Variants in NRG2 observed in about 807,000 individuals in gnomAD.
NRG2 encodes the protein pro-neuregulin-2, membrane-bound isoform.
NRG2 carries 27 observed loss-of-function variants against 73.9 expected under a neutral mutation model. That is an observed-to-expected ratio of 0.37 (90% CI 0.27 to 0.50). NRG2 has a LOEUF of 0.50. Ranked by LOEUF, NRG2 falls within the 20% of genes least tolerant of loss-of-function variation. The pLI, the probability that NRG2 is intolerant of heterozygous loss-of-function variation, is 0.96. For missense variants in NRG2, 1,126 were observed against 1,210.1 expected, an observed-to-expected ratio of 0.93 and a Z score of 1.03; for synonymous variants, 532 against 541.0, an observed-to-expected ratio of 0.98 and a Z score of 0.23.
In NRG2 at chr5:139,873,293, C is replaced by T. The variant is rs182653599; in HGVS notation, c.992-1452G>A. On this transcript the variant is annotated intron_variant, in intron 3 of 9. Coordinates refer to ENST00000361474, the MANE Select transcript of NRG2 (RefSeq NM_004883.3). ...GCTCAACCCCAGACCCAGCTGGAAC[C>T]CACGTGCTGGCTGGAACTAGAGACC... Among the ~76,000 whole-genome samples, 578 of 152,330 alleles carry T rather than the reference C, an allele frequency of 3.8e-3. 3 individuals are homozygous for T. The highest frequency in any genetic ancestry group is 6.4e-3 in the Non-Finnish European group (438 of 68,026).
At position 139,865,097 on chromosome 5, in the gene NRG2, T is replaced by C. The variant is rs772205182; in HGVS notation, c.1189+452A>G. ...GTCAGTCACCAGGGAAGAGAAGAAA[T>C]AGAAGAAAGAGACATACTGGAGAAG... On this transcript the variant is annotated intron_variant, in intron 5 of 9. Transcript: ENST00000361474. This position sits in a 1 kb window ranked among gnomAD's most constrained non-coding sequence, Gnocchi z 5.2. 1.1e-5 allele frequency: 17 copies of C among 1,607,574 alleles called. No homozygotes were observed. The highest frequency in any genetic ancestry group is 1.4e-5 in the Non-Finnish European group (17 of 1,174,372).
chr5:140,019,238 C>T (rs951726596), intron 1 of NRG2, among the ~76,000 whole-genome samples: 3 of 152,200 alleles, frequency 2.0e-5, no homozygotes, highest in Non-Finnish European at 2.9e-5. Context: ...CCACTGGAAG[C>T]AGGGGCCACA....
Position 139,853,117 on chromosome 5 carries a change from CCT to C in NRG2, c.1293-92_1293-91del. 6.4e-7 allele frequency: 1 copy of C among 1,564,418 alleles called. No homozygotes were observed. The highest frequency in any genetic ancestry group is 8.7e-7 in the Non-Finnish European group (1 of 1,154,016). ...CTATCTCTCTAGGGAAACAGCTTTT[CCT>C]CCTGCCCAGGGTGGCCATGGCTACT... On this transcript the variant is annotated intron_variant, in intron 6 of 9. Coordinates refer to ENST00000361474, the MANE Select transcript of NRG2 (RefSeq NM_004883.3). The surrounding 1 kb of genome is among the most constrained non-coding windows in gnomAD (Gnocchi z 4.1).
At chr5:139,963,258 C>T (rs776854873) in intron 1 of NRG2, among the ~76,000 whole-genome samples, 5 of 152,204 alleles carry the variant, frequency 3.3e-5, no homozygotes, top group African/African-American at 4.8e-5. Context: ...CCACCATCCA[C>T]GGTGATCTGG....
chr5:139,848,962 C>G (rs1561619697), intron 9 of NRG2, among the ~76,000 whole-genome samples: 1 of 152,172 alleles, frequency 6.6e-6, no homozygotes, highest in Non-Finnish European at 1.5e-5. Context: ...CAGATTGTAT[C>G]AGTGGGATGT....
At chr5:139,854,574 C>A (rs1293473220) in intron 6 of NRG2, among the ~76,000 whole-genome samples, 1 of 152,212 alleles carries the variant, frequency 6.6e-6, no homozygotes, top group Non-Finnish European at 1.5e-5. Context: ...TCTGGGCTCA[C>A]TGGGCCCCAA....
chr5:139,899,689 T>C (rs1764754884), intron 1 of NRG2, among the ~76,000 whole-genome samples: 1 of 152,196 alleles, frequency 6.6e-6, no homozygotes, highest in African/African-American at 2.4e-5. Context: ...CTTATCTTTG[T>C]ATCCTCTCAA....
rs79517844 is a variant in NRG2, at chr5:139,953,579, G to A, written c.701-66068C>T. Among the ~76,000 whole-genome samples, 256 of 152,276 alleles carry A rather than the reference G, an allele frequency of 1.7e-3. 5 individuals carry two copies. The East Asian group carries it at 0.039, about 23-fold the overall frequency. ...AGGGCTAGGTGGTCTGACTACCTGGGGCACTGCACTAGGGCCCAGCCAGCG... is the reference window on the plus strand; with the variant it reads ...AGGGCTAGGTGGTCTGACTACCTGGAGCACTGCACTAGGGCCCAGCCAGCG... On this transcript the variant is annotated intron_variant, in intron 1 of 9. Coordinates refer to ENST00000361474, the MANE Select transcript of NRG2 (RefSeq NM_004883.3).
At chr5:139,982,964 C>A (rs1167067140) in intron 1 of NRG2, among the ~76,000 whole-genome samples, 1 of 152,204 alleles carries the variant, frequency 6.6e-6, no homozygotes, top group Non-Finnish European at 1.5e-5. Context: ...GCTTTATCAG[C>A]CCAGCTCCCA....
In NRG2 at chr5:139,852,920, T is replaced by A. The variant is rs776112164; in HGVS notation, c.1400A>T (p.Glu467Val). Residue 467 changes from glutamate (E) to valine (V), a missense_variant, in exon 7 of 10, where the codon GAG (glutamate) becomes GTG (valine). Around this residue, in one of 3 missense-constraint regions of NRG2, gnomAD observed 539 missense variants for 703.2 expected, o/e 0.77. Transcript: ENST00000361474. The surrounding 1 kb of genome is among the most constrained non-coding windows in gnomAD (Gnocchi z 4.4). ...GCCACTCACATCTGCCATCTGGATC[T>A]CCTCTGGGTCCAGCCGGGGGTGGCT... ...GPSHPRLDPE[E>V]IQMADYISKN... The A allele has an allele frequency of 3.1e-6, 5 of 1,612,136 alleles. No homozygotes were observed. In the Admixed American group the frequency reaches 8.4e-5, roughly 27 times the overall value.
At chr5:140,021,184 T>C (rs1380799393) in intron 1 of NRG2, among the ~76,000 whole-genome samples, 3 of 152,132 alleles carry the variant, frequency 2.0e-5, no homozygotes, top group African/African-American at 7.2e-5. Flanking sequence ...GAAAAGCAAA[T>C]ATCATTAGCT....
At chr5:140,036,230 G>A (rs1228325082) in intron 1 of NRG2, among the ~76,000 whole-genome samples, 1 of 152,168 alleles carries the variant, frequency 6.6e-6, no homozygotes, top group African/African-American at 2.4e-5. Context: ...GAGAAGGAAG[G>A]CTCCTTAATT....
intron 1 of NRG2, among the ~76,000 whole-genome samples, chr5:140,010,802 C>G (rs1456018753): frequency 6.6e-6 from 1 of 152,154 alleles, no homozygotes; most frequent in African/African-American, 2.4e-5. Context: ...TAGCCAGAAC[C>G]CTCAGTGATC....
chr5:139,972,362 T>C (rs1756035396), intron 1 of NRG2, among the ~76,000 whole-genome samples: 2 of 152,154 alleles, frequency 1.3e-5, no homozygotes, highest in African/African-American at 2.4e-5. Flanking sequence ...TAAGAATGAA[T>C]CAAGAAGTAG....
At chr5:139,976,462 T>C (rs1756391666) in intron 1 of NRG2, among the ~76,000 whole-genome samples, 1 of 152,254 alleles carries the variant, frequency 6.6e-6, no homozygotes, top group African/African-American at 2.4e-5. Context: ...AGTGATCTAT[T>C]GCAGTGATTT....
chr5:140,038,768 G>T (rs1035627636), intron 1 of NRG2, among the ~76,000 whole-genome samples: 3 of 152,194 alleles, frequency 2.0e-5, no homozygotes, highest in Non-Finnish European at 4.4e-5. Context: ...GCCGAGGAAA[G>T]CAGCCACTAC....
intron 1 of NRG2, among the ~76,000 whole-genome samples, chr5:139,910,535 C>T (rs781328875): frequency 2.1e-4 from 32 of 152,206 alleles, no homozygotes; most frequent in Non-Finnish European, 4.1e-4. Flanking sequence ...GGCCCACAGG[C>T]CTTTCTCACG....
intron 1 of NRG2, among the ~76,000 whole-genome samples, chr5:139,986,532 C>A (rs528927106): frequency 6.6e-6 from 1 of 152,126 alleles, no homozygotes; most frequent in African/African-American, 2.4e-5. Flanking sequence ...GGGAGAAATC[C>A]GGCAAGTCAT....
At chr5:139,945,670 T>C (rs55840281) in intron 1 of NRG2, among the ~76,000 whole-genome samples, 23,228 of 151,894 alleles carry the variant, frequency 0.15, 1,984 homozygotes, top group South Asian at 0.25. Context: ...ATTGGCATTT[T>C]GATAGGTAGA....
Sources: allele counts gnomAD v4.1 joint callset (sites outside exome capture counted in the v4.1 genomes callset), GRCh38; gene constraint gnomAD v4.1.1; regional missense constraint gnomAD v4.1.1; non-coding constraint Gnocchi (gnomAD v3.1); transcripts MANE v1.5; gene names NCBI Gene and HGNC (gene_info 2026-07-23, HGNC 2026-07-21).